Variants in PSMD14 observed in about 807,000 individuals in gnomAD.
PSMD14 encodes the protein ubiquitin C-terminal hydrolase PSMD14.
In PSMD14, 7 loss-of-function variants were observed where a neutral mutation model predicts 41.2. That is an observed-to-expected ratio of 0.17 (90% CI 0.10 to 0.32). The LOEUF (loss-of-function observed/expected upper bound fraction) is 0.32. PSMD14 is among the 10% of genes least tolerant of loss of function. PSMD14 has a pLI of 1.00. For missense variants in PSMD14, 139 were observed against 375.6 expected (o/e 0.37, Z 5.21); for synonymous variants, 114 against 122.3 (o/e 0.93, Z 0.45).
chr2:161,331,326 G>A (rs1467709369), intron 3 of PSMD14, among the ~76,000 whole-genome samples: 5 of 151,378 alleles, frequency 3.3e-5, no homozygotes, highest in Non-Finnish European at 1.5e-5. Context: ...GCGGTGGTGC[G>A]ATCTCGGCTC....
intron 10 of PSMD14, chr2:161,407,511 G>A (rs909138254): frequency 5.9e-5 from 9 of 152,036 alleles, no homozygotes; most frequent in Non-Finnish European, 1.3e-4. Context: ...TCTCTAGATA[G>A]TTTGTCCATT....
chr2:161,339,158 A>C (rs945434496), intron 3 of PSMD14, among the ~76,000 whole-genome samples: 1 of 152,204 alleles, frequency 6.6e-6, no homozygotes, highest in Admixed American at 6.5e-5. Context: ...TTAAATACCT[A>C]GGATTAGATT....
intron 8 of PSMD14, among the ~76,000 whole-genome samples, chr2:161,386,130 G>A (rs1161819401): frequency 4.0e-5 from 6 of 151,646 alleles, no homozygotes; most frequent in Non-Finnish European, 8.9e-5. Flanking sequence ...TGCAGTTACT[G>A]GTATTCAGAC....
chr2:161,341,900 AATT>A (rs921482442), intron 3 of PSMD14, among the ~76,000 whole-genome samples: 11 of 150,326 alleles, frequency 7.3e-5, no homozygotes, highest in African/African-American at 2.7e-4. Context: ...TTGTGTTATA[AATT>A]ATATTTTGAT....
chr2:161,366,211 G>A (rs1231523982), intron 3 of PSMD14, among the ~76,000 whole-genome samples: 1 of 152,060 alleles, frequency 6.6e-6, no homozygotes, highest in Non-Finnish European at 1.5e-5. Context: ...CAACTTTATT[G>A]CCTGGCATTT....
At chr2:161,387,515 A>G (rs545447935) in intron 8 of PSMD14, among the ~76,000 whole-genome samples, 1 of 152,112 alleles carries the variant, frequency 6.6e-6, no homozygotes, top group Admixed American at 6.6e-5. Context: ...ATGATTTTCT[A>G]ACAGATTTTT....
intron 1 of PSMD14, among the ~76,000 whole-genome samples, chr2:161,308,975 T>C (rs1325457075): frequency 6.6e-6 from 1 of 152,220 alleles, no homozygotes; most frequent in East Asian, 1.9e-4. Context: ...GAGAGTAGAA[T>C]TAACTTTCCC....
intron 3 of PSMD14, among the ~76,000 whole-genome samples, chr2:161,354,710 G>A (rs1683171253): frequency 6.6e-6 from 1 of 152,180 alleles, no homozygotes; most frequent in African/African-American, 2.4e-5. Context: ...TTTTTAAATA[G>A]GTGAAAATTG....
At chr2:161,322,847 T>C (rs1163008118) in intron 3 of PSMD14, among the ~76,000 whole-genome samples, 1 of 152,196 alleles carries the variant, frequency 6.6e-6, no homozygotes, top group Non-Finnish European at 1.5e-5. Context: ...AAAAGGAACT[T>C]GTAAATAATC....
intron 3 of PSMD14, among the ~76,000 whole-genome samples, chr2:161,347,987 G>A (rs763454215): frequency 2.0e-5 from 3 of 152,158 alleles, no homozygotes; most frequent in Non-Finnish European, 2.9e-5. Flanking sequence ...TGTGAGCTTT[G>A]ACAAATCAAT....
intron 3 of PSMD14, among the ~76,000 whole-genome samples, chr2:161,354,480 A>T (rs546379147): frequency 5.3e-5 from 7 of 132,408 alleles, no homozygotes; most frequent in African/African-American, 2.0e-4. Context: ...TTTTTTTATA[A>T]CAAAGGTAGT....
intron 1 of PSMD14, among the ~76,000 whole-genome samples, chr2:161,309,453 C>T (rs544668199): frequency 1.7e-4 from 26 of 152,236 alleles, no homozygotes; most frequent in African/African-American, 5.8e-4. Flanking sequence ...TGATTTTGTT[C>T]CACTGGTCAC....
At chr2:161,323,376 A>G (rs1379786620) in intron 3 of PSMD14, among the ~76,000 whole-genome samples, 1 of 152,164 alleles carries the variant, frequency 6.6e-6, no homozygotes, top group Non-Finnish European at 1.5e-5. Flanking sequence ...TTAAAATGTT[A>G]ATATTGGCCA....
chr2:161,355,029 A>G (rs1031682617), intron 3 of PSMD14, among the ~76,000 whole-genome samples: 1 of 152,244 alleles, frequency 6.6e-6, no homozygotes, highest in African/African-American at 2.4e-5. Context: ...AAATAATTAG[A>G]AAATTTCAGA....
At chr2:161,403,067 G>A (rs897482232) in intron 10 of PSMD14, among the ~76,000 whole-genome samples, 2 of 152,112 alleles carry the variant, frequency 1.3e-5, no homozygotes, top group Non-Finnish European at 2.9e-5. Flanking sequence ...ATTGAAAATA[G>A]GTATTCAAAC....
intron 3 of PSMD14, among the ~76,000 whole-genome samples, chr2:161,331,425 A>AT (rs956909616): frequency 1.3e-5 from 2 of 151,822 alleles, no homozygotes; most frequent in Non-Finnish European, 2.9e-5. Flanking sequence ...ACCAGGGCTA[A>AT]TTTTTTGTAT....
rs201192422 is a variant in PSMD14 at position 161,370,139 on chromosome 2, C to T, written c.273C>T (p.Phe91=). ...GVSVEAVDPV[F]QAKMLDMLKQ... is the part of the protein sequence containing the mutation. ...GTGTGGAGGCAGTTGATCCAGTGTT[C>T]CAAGCTAAAATGTTGGATATGTTGA... The change falls in exon 6 of 12, where the codon TTC becomes TTT. Residue 91 remains phenylalanine (F), a synonymous_variant. Transcript: ENST00000409682. 1.5e-4 allele frequency: 234 copies of T among 1,593,926 alleles called. 1 individual carries two copies. In the African/African-American group the frequency reaches 2.6e-3, roughly 17 times the overall value.
intron 3 of PSMD14, among the ~76,000 whole-genome samples, chr2:161,356,340 A>G (rs181047468): frequency 5.3e-4 from 80 of 152,302 alleles, no homozygotes; most frequent in South Asian, 1.0e-3. Context: ...TTAATACAAA[A>G]TTAAAGTATT....
chr2:161,404,476 C>A (rs1340808318), intron 10 of PSMD14, among the ~76,000 whole-genome samples: 1 of 152,134 alleles, frequency 6.6e-6, no homozygotes, highest in Non-Finnish European at 1.5e-5. Flanking sequence ...TAAGGGGCAC[C>A]TTTCTTCCTA....
Sources: gnomAD v4.1 joint callset for allele counts (sites outside exome capture counted in the v4.1 genomes callset) on GRCh38, gnomAD v4.1.1 for gene constraint, MANE v1.5 for transcripts, NCBI Gene and HGNC (gene_info 2026-07-23, HGNC 2026-07-21) for gene names.